IGFBP5: variants seen among roughly 807,000 people sequenced by gnomAD.
IGFBP5 encodes the protein insulin-like growth factor-binding protein 5.
IGFBP5 carries 12 observed loss-of-function variants against 28.0 expected under a neutral mutation model. That is an observed-to-expected ratio of 0.43 (90% CI 0.27 to 0.69). The LOEUF (loss-of-function observed/expected upper bound fraction) is 0.69. IGFBP5 is among the 30% of genes least tolerant of loss of function. The pLI is 0.20. For missense variants in IGFBP5, 344 were observed against 381.6 expected (o/e 0.90, Z 0.82); for synonymous variants, 152 against 150.2 (o/e 1.01, Z -0.09).
chr2:216,679,834 C>G lies in IGFBP5; in HGVS notation c.338-755G>C, dbSNP rs149998315. Reference sequence around the variant, plus strand: ...TGCTCGGGGGCCTGGGAGGCTGGGACGTTACTCAGCTCTGGACTGAGAGAG... The same window carrying G: ...TGCTCGGGGGCCTGGGAGGCTGGGAGGTTACTCAGCTCTGGACTGAGAGAG... On this transcript the variant is annotated intron_variant, in intron 1 of 3. Transcript: ENST00000233813. This position sits in a 1 kb window ranked among gnomAD's most constrained non-coding sequence, Gnocchi z 4.6. 7.7e-4 allele frequency among the ~76,000 whole-genome samples: 117 copies of G among 152,260 alleles called. No individual in the cohort carries two copies. Among genetic ancestry groups the G allele is most frequent in the Non-Finnish European group, 1.4e-3 (93 of 68,012 alleles).
At chr2:216,686,745 C>T (rs1463066492) in intron 1 of IGFBP5, among the ~76,000 whole-genome samples, 1 of 147,060 alleles carries the variant, frequency 6.8e-6, no homozygotes, top group Non-Finnish European at 1.5e-5. Flanking sequence ...TGGCTCACTG[C>T]AACCCTCTCC....
chr2:216,676,163 C>T lies in IGFBP5; in HGVS notation c.*588G>A, dbSNP rs1386024692. On this transcript the variant is annotated 3_prime_UTR_variant, in exon 4 of 4. Coordinates refer to ENST00000233813, the MANE Select transcript of IGFBP5 (RefSeq NM_000599.4). ...GAGGAGAGGAAGTTCAGGGGTCCAG[C>T]TGTCCATACTGCTGGCTAGAGGAGG... is the stretch of plus-strand genomic sequence containing the variant. The T allele has an allele frequency of 6.5e-6, 1 of 152,718 alleles. No homozygotes were observed. The highest frequency in any genetic ancestry group is 1.5e-5 in the Non-Finnish European group (1 of 68,102). The allele number at this position is 152,718 out of a possible 1,614,324, so 9.5% of individuals were successfully genotyped here.
At chr2:216,683,287 T>TTGAGGC (rs1239870766) in intron 1 of IGFBP5, among the ~76,000 whole-genome samples, 7 of 152,092 alleles carry the variant, frequency 4.6e-5, no homozygotes, top group Non-Finnish European at 7.4e-5. Context: ...AGATTGGAGG[T>TTGAGGC]TGAGGCTGAG....
In IGFBP5 at chr2:216,694,421, C is replaced by A. The variant is rs1215053585; in HGVS notation, c.337+18G>T. ...GCCCGTGCGCCGCGTAACTGACTGG[C>A]ACACTGAGCGCGCTCACCGATCTTG... On this transcript the variant is annotated intron_variant, in intron 1 of 3. Transcript: ENST00000233813. The surrounding 1 kb of genome is among the most constrained non-coding windows in gnomAD (Gnocchi z 5.2). 1 of 1,498,410 alleles carries A rather than the reference C, an allele frequency of 6.7e-7. No homozygotes were observed. The highest frequency in any genetic ancestry group is 8.9e-7 in the Non-Finnish European group (1 of 1,125,770). The allele number at this position is 1,498,410 out of a possible 1,614,324, so 92.8% of individuals were successfully genotyped here.
chr2:216,694,401 T>C lies in IGFBP5; in HGVS notation c.337+38A>G, dbSNP rs1022526431. On this transcript the variant is annotated intron_variant, in intron 1 of 3. Transcript: ENST00000233813. The surrounding 1 kb of genome is among the most constrained non-coding windows in gnomAD (Gnocchi z 5.2). ...CAGCCGGTCTCGTGTCCCCCGCCCG[T>C]GCGCCGCGTAACTGACTGGCACACT... 21 of 1,441,090 alleles carry C rather than the reference T, an allele frequency of 1.5e-5. No individual in the cohort carries two copies. Among genetic ancestry groups the C allele is most frequent in the East Asian group, 2.7e-5 (1 of 37,392 alleles). The allele number at this position is 1,441,090 out of a possible 1,614,324, so 89.3% of individuals were successfully genotyped here.
Position 216,679,158 on chromosome 2 carries a change from G to C in IGFBP5, c.338-79C>G. 9.1e-7 allele frequency: 1 copy of C among 1,095,486 alleles called. No individual in the cohort carries two copies. Among genetic ancestry groups the C allele is most frequent in the Non-Finnish European group, 1.4e-6 (1 of 718,908 alleles). The allele number at this position is 1,095,486 out of a possible 1,614,324, so 67.9% of individuals were successfully genotyped here. A position where few individuals can be genotyped will look rare whatever the true frequency, so the allele number is the denominator to read the frequency against. ...CAGAGCCCAGGGCTGGGCAGTTTGG[G>C]GTGAGGGGAGTAATAAAGGCTGAAG... On this transcript the variant is annotated intron_variant, in intron 1 of 3. Coordinates refer to ENST00000233813, the MANE Select transcript of IGFBP5 (RefSeq NM_000599.4). This position sits in a 1 kb window ranked among gnomAD's most constrained non-coding sequence, Gnocchi z 4.6.
At position 216,679,860 on chromosome 2, in the gene IGFBP5, G is replaced by A. The variant is rs1688949372; in HGVS notation, c.338-781C>T. 6.6e-6 allele frequency among the ~76,000 whole-genome samples: 1 copy of A among 152,188 alleles called. No individual in the cohort carries two copies. Among genetic ancestry groups the A allele is most frequent in the Non-Finnish European group, 1.5e-5 (1 of 68,018 alleles). Reference sequence around the variant, plus strand: ...GTTACTCAGCTCTGGACTGAGAGAGGCCGACAGCTGGCTGAGACCGGGACA... The same window carrying A: ...GTTACTCAGCTCTGGACTGAGAGAGACCGACAGCTGGCTGAGACCGGGACA... On this transcript the variant is annotated intron_variant, in intron 1 of 3. Coordinates refer to ENST00000233813, the MANE Select transcript of IGFBP5 (RefSeq NM_000599.4). This position sits in a 1 kb window ranked among gnomAD's most constrained non-coding sequence, Gnocchi z 4.6.
At position 216,676,810 on chromosome 2, in the gene IGFBP5, T is replaced by C; in HGVS notation, c.760A>G (p.Met254Val). 1.9e-6 allele frequency: 3 copies of C among 1,614,074 alleles called. No homozygotes were observed. The highest frequency in any genetic ancestry group is 2.5e-6 in the Non-Finnish European group (3 of 1,179,968). ...TGAAAGTCCCCGTCAACGTACTCCA[T>C]GCCTGGCAGCTTCATCCCGTACTTG... is the stretch of plus-strand genomic sequence containing the variant. Reference protein sequence around the residue: ...VDKYGMKLPGMEYVDGDFQCH... With the variant: ...VDKYGMKLPGVEYVDGDFQCH... Residue 254 changes from methionine to valine, a missense_variant, in exon 4 of 4, where the codon ATG becomes GTG. Around this residue, in one of 3 missense-constraint regions of IGFBP5, gnomAD observed 36 missense variants for 34.1 expected, o/e 1.06. Coordinates refer to ENST00000233813, the MANE Select transcript of IGFBP5 (RefSeq NM_000599.4).
chr2:216,679,314 G>A lies in IGFBP5; in HGVS notation c.338-235C>T, dbSNP rs888071463. The A allele has an allele frequency of 3.5e-6, 2 of 572,492 alleles. No homozygotes were observed. Among genetic ancestry groups the A allele is most frequent in the South Asian group, 1.9e-5 (1 of 52,600 alleles). The allele number at this position is 572,492 out of a possible 1,614,324, so 35.5% of individuals were successfully genotyped here. A position where few individuals can be genotyped will look rare whatever the true frequency, so the allele number is the denominator to read the frequency against. ...GGAGTCAAGCAGAGAGTGCAGGCAGGGAGGCTTCACAGAGGAGGAGAATCG... is the reference window on the plus strand; with the variant it reads ...GGAGTCAAGCAGAGAGTGCAGGCAGAGAGGCTTCACAGAGGAGGAGAATCG... On this transcript the variant is annotated intron_variant, in intron 1 of 3. Transcript: ENST00000233813. The surrounding 1 kb of genome is among the most constrained non-coding windows in gnomAD (Gnocchi z 4.6).
rs1689156718 is a variant in IGFBP5 at position 216,695,490 on chromosome 2, A to G, written c.-715T>C. 6.6e-6 allele frequency: 1 copy of G among 152,242 alleles called. No individual in the cohort carries two copies. 9.4% of individuals were successfully genotyped at this position (152,242 alleles called of 1,614,324 possible). On this transcript the variant is annotated 5_prime_UTR_variant, in exon 1 of 4. Transcript: ENST00000233813. Reference sequence around the variant, plus strand: ...AAGGAGCAAAAAAGGGAAAAAGCCCACACTGCTTTGCAGCTCTTTCCTAGC... The same window carrying G: ...AAGGAGCAAAAAAGGGAAAAAGCCCGCACTGCTTTGCAGCTCTTTCCTAGC...
At chr2:216,688,599 C>T (rs903920287) in intron 1 of IGFBP5, among the ~76,000 whole-genome samples, 19 of 152,078 alleles carry the variant, frequency 1.2e-4, no homozygotes, top group Admixed American at 9.8e-4. Flanking sequence ...AGAGGGGTGT[C>T]GCAGTCCCAG....
At chr2:216,691,400 C>G (rs987681078) in intron 1 of IGFBP5, among the ~76,000 whole-genome samples, 3 of 135,576 alleles carry the variant, frequency 2.2e-5, no homozygotes, top group African/African-American at 8.2e-5. Flanking sequence ...AAACCTCATT[C>G]CCCACCAAAA....
At position 216,678,160 on chromosome 2, in the gene IGFBP5, A is replaced by G. The variant is rs768933362; in HGVS notation, c.639T>C (p.Ala213=). ...LKASPRMVPR[A]VYLPNCDRKG... is the part of the protein sequence containing the mutation. ...TGCGGTCACAATTGGGCAGGTACAC[A>G]GCACGGGGCACCATGCGTGGGCTGG... is the stretch of plus-strand genomic sequence containing the variant. Residue 213 remains alanine, a synonymous_variant, in exon 3 of 4, where the codon GCT becomes GCC. Transcript: ENST00000233813. The G allele has an allele frequency of 2.5e-6, 4 of 1,593,436 alleles. No individual in the cohort carries two copies. Among genetic ancestry groups the G allele is most frequent in the South Asian group, 1.1e-5 (1 of 88,050 alleles).
chr2:216,680,342 A>C (rs993494233), intron 1 of IGFBP5, among the ~76,000 whole-genome samples: 4 of 152,164 alleles, frequency 2.6e-5, no homozygotes, highest in Non-Finnish European at 5.9e-5. Context: ...AGGAACAGTG[A>C]CCGCCAGACA....
chr2:216,694,312 C>G lies in IGFBP5; in HGVS notation c.337+127G>C. ...GCTCCAATTCCGGGGTGCAAGGACCCTCCCCGACTACTCCCGAGCTGCACC... is the reference window on the plus strand; with the variant it reads ...GCTCCAATTCCGGGGTGCAAGGACCGTCCCCGACTACTCCCGAGCTGCACC... On this transcript the variant is annotated intron_variant, in intron 1 of 3. Transcript: ENST00000233813. This position sits in a 1 kb window ranked among gnomAD's most constrained non-coding sequence, Gnocchi z 5.2. The G allele has an allele frequency of 4.0e-6, 3 of 747,382 alleles. No individual in the cohort carries two copies. The highest frequency in any genetic ancestry group is 6.2e-6 in the Non-Finnish European group (3 of 486,326). The allele number at this position is 747,382 out of a possible 1,614,324, so 46.3% of individuals were successfully genotyped here.
chr2:216,677,471 A>G (rs1170299352), intron 3 of IGFBP5, among the ~76,000 whole-genome samples: 3 of 152,204 alleles, frequency 2.0e-5, no homozygotes, highest in Admixed American at 1.3e-4. Context: ...ACCATTTTAC[A>G]CAAGGGTCTG....
intron 2 of IGFBP5, 23 bp downstream of exon 2, chr2:216,678,827 A>C: frequency 6.3e-7 from 1 of 1,581,402 alleles, no homozygotes; most frequent in Non-Finnish European, 8.7e-7. Context: ...CTGGGAGGGA[A>C]TGAGGGAATC....
In IGFBP5 at chr2:216,676,901, C is replaced by T; in HGVS notation, c.688-19G>A. 2 of 1,613,174 alleles carry T rather than the reference C, an allele frequency of 1.2e-6. No individual in the cohort carries two copies. Among genetic ancestry groups the T allele is most frequent in the East Asian group, 2.2e-5 (1 of 44,818 alleles). On this transcript the variant is annotated intron_variant, in intron 3 of 3. Transcript: ENST00000233813. The stretch of plus-strand genomic sequence containing the variant: ...GTTTGCACTGGGGTGAGTAGAGCAA[C>T]AGGCGGTGAGGACGGCCGCACCCCA...
chr2:216,694,697 A>T lies in IGFBP5; in HGVS notation c.79T>A (p.Cys27Ser), dbSNP rs748069601. The change falls in exon 1 of 4, where the codon TGC becomes AGC. Residue 27 changes from cysteine (C) to serine (S), a missense_variant. By Grantham distance (112) the Cys-to-Ser change is moderately radical. This residue lies in a region of IGFBP5 where 304 missense variants were observed against 329.2 expected (regional missense o/e 0.92). Coordinates refer to ENST00000233813, the MANE Select transcript of IGFBP5 (RefSeq NM_000599.4). This position sits in a 1 kb window ranked among gnomAD's most constrained non-coding sequence, Gnocchi z 5.2. ...PAQSLGSFVH[C>S]EPCDEKALSM... ...AGGGCTTTCTCGTCGCAGGGCTCGCAGTGCACGAAGGAGCCCAGGCTCTGG... is the reference window on the plus strand; with the variant it reads ...AGGGCTTTCTCGTCGCAGGGCTCGCTGTGCACGAAGGAGCCCAGGCTCTGG... 6.6e-7 allele frequency: 1 copy of T among 1,507,594 alleles called. No homozygotes were observed. The allele number at this position is 1,507,594 out of a possible 1,614,324, so 93.4% of individuals were successfully genotyped here. A position where few individuals can be genotyped will look rare whatever the true frequency, so the allele number is the denominator to read the frequency against.
Sources: gnomAD v4.1 joint callset for allele counts (sites outside exome capture counted in the v4.1 genomes callset) on GRCh38, gnomAD v4.1.1 for gene constraint, gnomAD v4.1.1 regional missense constraint, Gnocchi (gnomAD v3.1) non-coding constraint, MANE v1.5 for transcripts, NCBI Gene and HGNC (gene_info 2026-07-23, HGNC 2026-07-21) for gene names.